The following PLXDC1 variants were observed in gnomAD, a reference collection of about 807,000 sequenced individuals.
PLXDC1 encodes the protein plexin domain-containing protein 1.
Under a neutral mutation model 61.3 loss-of-function variants are expected in PLXDC1, and 39 were observed. That is an observed-to-expected ratio of 0.64 (90% CI 0.49 to 0.83). PLXDC1 has a LOEUF of 0.83. Ranked by LOEUF, PLXDC1 falls within the 40% of genes least tolerant of loss-of-function variation. PLXDC1 has a pLI of 0.00. For synonymous variants in PLXDC1, 212 were observed against 254.5 expected, an observed-to-expected ratio of 0.83 and a Z score of 1.59; for missense variants, 596 against 666.5, an observed-to-expected ratio of 0.89 and a Z score of 1.17.
intron 2 of PLXDC1, among the ~76,000 whole-genome samples, chr17:39,118,084 C>T (rs62077965): frequency 0.013 from 1,365 of 101,872 alleles, 10 homozygotes; most frequent in Middle Eastern, 0.023. Flanking sequence ...CTCCCTCCCT[C>T]CCTTCCTTCC....
At chr17:39,071,114 C>T (rs1004207952) in intron 12 of PLXDC1, among the ~76,000 whole-genome samples, 3 of 152,132 alleles carry the variant, frequency 2.0e-5, no homozygotes, top group South Asian at 2.1e-4. Flanking sequence ...AAATACGTCC[C>T]GGGGGAGAGA....
chr17:39,113,311 G>A (rs1910870049), intron 2 of PLXDC1: 1 of 152,232 alleles, frequency 6.6e-6, no homozygotes, highest in Admixed American at 6.5e-5. Context: ...AGAACTGCAA[G>A]TGAATAAATT....
intron 2 of PLXDC1, among the ~76,000 whole-genome samples, chr17:39,110,614 C>T (rs1910764387): frequency 1.3e-5 from 2 of 152,216 alleles, no homozygotes; most frequent in African/African-American, 2.4e-5. Context: ...GGTGGGGCCG[C>T]TGACCTGTGA....
At chr17:39,112,536 C>T (rs573798241) in intron 2 of PLXDC1, among the ~76,000 whole-genome samples, 1 of 143,176 alleles carries the variant, frequency 7.0e-6, no homozygotes, top group South Asian at 2.2e-4. Context: ...CAGCTCACTG[C>T]AATCTCTACC....
intron 7 of PLXDC1, among the ~76,000 whole-genome samples, chr17:39,095,246 T>G (rs1314584790): frequency 1.5e-5 from 2 of 133,480 alleles, no homozygotes; most frequent in African/African-American, 5.6e-5. Context: ...GGGATGAGGG[T>G]GGGGGGTGGA....
intron 3 of PLXDC1, 68 bp from the exon 4 acceptor site, chr17:39,109,041 C>G: frequency 1.5e-6 from 2 of 1,362,882 alleles, no homozygotes; most frequent in South Asian, 1.2e-5. Context: ...CCCACACTGC[C>G]TCATGCTTGT....
At chr17:39,087,781 A>C (rs1909799501) in intron 7 of PLXDC1, 79 bp from the exon 8 acceptor site, 18 of 987,846 alleles carry the variant, frequency 1.8e-5, no homozygotes, top group Non-Finnish European at 2.5e-5. Flanking sequence ...ACAGTCTGAC[A>C]GGTCAGCCTG....
intron 1 of PLXDC1, among the ~76,000 whole-genome samples, chr17:39,146,449 G>C (rs2045342815): frequency 6.6e-6 from 1 of 151,986 alleles, no homozygotes; most frequent in South Asian, 2.1e-4. Flanking sequence ...GGGTGAGGTG[G>C]TGGGATCACT....
chr17:39,105,009 G>A (rs1269506826), intron 7 of PLXDC1, among the ~76,000 whole-genome samples: 1 of 152,190 alleles, frequency 6.6e-6, no homozygotes, highest in South Asian at 2.1e-4. Flanking sequence ...TGACTTGGGG[G>A]CTCCCAAGCG....
rs78638466 is a variant in PLXDC1 at position 39,065,740 on chromosome 17, G to A, written c.*2100C>T. 9 of 152,480 alleles carry A rather than the reference G, an allele frequency of 5.9e-5. No homozygotes were observed. The East Asian group carries it at 1.7e-3, about 29-fold the overall frequency. 9.4% of individuals were successfully genotyped at this position (152,480 alleles called of 1,614,324 possible). On this transcript the variant is annotated 3_prime_UTR_variant, in exon 14 of 14. Transcript: ENST00000315392. The stretch of plus-strand genomic sequence containing the variant: ...TAGAGCAGGTTAACTTGGTAGCTAT[G>A]GAGTATGACCAGATGGAGACATGGG...
intron 7 of PLXDC1, among the ~76,000 whole-genome samples, chr17:39,089,554 G>A (rs1284191973): frequency 6.6e-6 from 1 of 152,194 alleles, no homozygotes; most frequent in Non-Finnish European, 1.5e-5. Flanking sequence ...TATCCTCCGT[G>A]CACCCCCCTT....
intron 7 of PLXDC1, among the ~76,000 whole-genome samples, chr17:39,099,553 T>A (rs566870934): frequency 2.0e-5 from 3 of 150,762 alleles, no homozygotes; most frequent in African/African-American, 7.3e-5. Flanking sequence ...ACTCTGTGGG[T>A]GTTTGGGGGA....
chr17:39,148,222 T>TA (rs978662426), intron 1 of PLXDC1, among the ~76,000 whole-genome samples: 24 of 151,866 alleles, frequency 1.6e-4, no homozygotes, highest in Non-Finnish European at 3.1e-4. Context: ...CTCCTTTTTT[T>TA]AAAAAAAGAT....
intron 2 of PLXDC1, among the ~76,000 whole-genome samples, chr17:39,121,025 G>A (rs2143783187): frequency 6.6e-6 from 1 of 151,412 alleles, no homozygotes; most frequent in South Asian, 2.1e-4. Context: ...ATTTTTTGTA[G>A]AGTCAAGGTT....
intron 2 of PLXDC1, among the ~76,000 whole-genome samples, chr17:39,128,087 C>CTATGTGTGTGTATATATATATATATA (rs1304464750): frequency 1.5e-5 from 1 of 67,238 alleles, no homozygotes; most frequent in Non-Finnish European, 3.1e-5. Context: ...CTCTCTCTCT[C>CTATGTGTGTGTATATATATATATATA]TCTCTATGTG....
At chr17:39,086,489 G>A (rs2143449008) in intron 8 of PLXDC1, among the ~76,000 whole-genome samples, 1 of 152,324 alleles carries the variant, frequency 6.6e-6, no homozygotes, top group Admixed American at 6.5e-5. Flanking sequence ...CAGGGGTAAA[G>A]AGAGGCAAGA....
intron 1 of PLXDC1, among the ~76,000 whole-genome samples, chr17:39,142,641 C>T (rs1280973249): frequency 6.6e-6 from 1 of 152,236 alleles, no homozygotes; most frequent in African/African-American, 2.4e-5. Context: ...CCACCTCAGC[C>T]TTCTGAGTAG....
rs991175350 is a variant in PLXDC1, at chr17:39,078,145, G to C, written c.1051-97C>G. 5.7e-6 allele frequency: 7 copies of C among 1,220,736 alleles called. No individual in the cohort carries two copies. The African/African-American group carries it at 9.3e-5, about 16-fold the overall frequency. 75.6% of individuals were successfully genotyped at this position (1,220,736 alleles called of 1,614,324 possible). On this transcript the variant is annotated intron_variant, in intron 10 of 13. Transcript: ENST00000315392. The stretch of plus-strand genomic sequence containing the variant: ...TTACAGGGCAATTTATCTGTCAGCT[G>C]CTTCAAATCCTTCCTCAAGGAAGGG...
intron 2 of PLXDC1, among the ~76,000 whole-genome samples, chr17:39,133,624 T>C (rs1911635359): frequency 6.6e-6 from 1 of 152,150 alleles, no homozygotes; most frequent in South Asian, 2.1e-4. Flanking sequence ...GGATCATTCT[T>C]TTCTATTTTT....
Sources: gnomAD v4.1 joint callset for allele counts (sites outside exome capture counted in the v4.1 genomes callset) on GRCh38, gnomAD v4.1.1 for gene constraint, MANE v1.5 for transcripts, NCBI Gene and HGNC (gene_info 2026-07-23, HGNC 2026-07-21) for gene names.